DPYD: variants seen among roughly 807,000 people sequenced by gnomAD.
The protein encoded by DPYD is dihydropyrimidine dehydrogenase [NADP(+)].
In DPYD, 109 loss-of-function variants were observed where a neutral mutation model predicts 116.2. That is an observed-to-expected ratio of 0.94 (90% CI 0.80 to 1.10). DPYD has a LOEUF of 1.10. DPYD is among the 50% of genes least tolerant of loss of function. The pLI is 0.00. For synonymous variants in DPYD, 440 were observed against 432.0 expected (o/e 1.02, Z -0.23); for missense variants, 1,302 against 1,254.5 (o/e 1.04, Z -0.57).
chr1:97,573,034 T>C (rs1653006859), intron 11 of DPYD, among the ~76,000 whole-genome samples: 1 of 152,000 alleles, frequency 6.6e-6, no homozygotes, highest in African/African-American at 2.4e-5. Context: ...AAGAGTTAAT[T>C]GTCATTTCAA....
At chr1:97,570,667 A>G (rs1383137477) in intron 11 of DPYD, among the ~76,000 whole-genome samples, 1 of 151,954 alleles carries the variant, frequency 6.6e-6, no homozygotes, top group Non-Finnish European at 1.5e-5. Context: ...CATTTGCAAT[A>G]ATAGTGAATT....
At chr1:97,111,267 G>C (rs946594970) in intron 20 of DPYD, among the ~76,000 whole-genome samples, 5 of 152,026 alleles carry the variant, frequency 3.3e-5, no homozygotes, top group Admixed American at 1.3e-4. Flanking sequence ...TAGAAACTAT[G>C]ACAGATGATT....
At chr1:97,701,339 T>C (rs1281089374) in intron 5 of DPYD, among the ~76,000 whole-genome samples, 1 of 151,342 alleles carries the variant, frequency 6.6e-6, no homozygotes, top group Admixed American at 6.6e-5. Context: ...ATTTTAAATA[T>C]ATAAAGCAAA....
chr1:97,590,806 C>A (rs1337992584), intron 10 of DPYD, among the ~76,000 whole-genome samples: 1 of 152,192 alleles, frequency 6.6e-6, no homozygotes, highest in Non-Finnish European at 1.5e-5. Context: ...ATAGCTCACT[C>A]TTTTACTTAG....
chr1:97,426,790 G>C (rs1003619163), intron 14 of DPYD, among the ~76,000 whole-genome samples: 2 of 152,076 alleles, frequency 1.3e-5, no homozygotes, highest in Admixed American at 6.6e-5. Flanking sequence ...GATGTTAAGA[G>C]GATATGTTTC....
chr1:97,090,102 A>G (rs1649800493), intron 21 of DPYD, among the ~76,000 whole-genome samples: 1 of 152,196 alleles, frequency 6.6e-6, no homozygotes, highest in African/African-American at 2.4e-5. Flanking sequence ...TTAACAAAAG[A>G]ATGAGTTTAC....
chr1:97,374,718 G>GGAAA (rs1671505203), intron 15 of DPYD, among the ~76,000 whole-genome samples: 1 of 52,610 alleles, frequency 1.9e-5, no homozygotes, highest in African/African-American at 1.0e-4. Flanking sequence ...CTCCGTCTCA[G>GGAAA]AAAAAAAAAA....
chr1:97,341,270 C>T (rs1341540557), intron 16 of DPYD, among the ~76,000 whole-genome samples: 1 of 151,990 alleles, frequency 6.6e-6, no homozygotes, highest in Non-Finnish European at 1.5e-5. Flanking sequence ...TCTCTCACTA[C>T]ATATACATGC....
chr1:97,812,868 G>A (rs1195962669), intron 3 of DPYD, among the ~76,000 whole-genome samples: 1 of 152,078 alleles, frequency 6.6e-6, no homozygotes, highest in Non-Finnish European at 1.5e-5. Flanking sequence ...ATGGAAATAT[G>A]TGTGACAAAA....
chr1:97,526,023 A>C (rs1649063404), intron 12 of DPYD, among the ~76,000 whole-genome samples: 1 of 122,264 alleles, frequency 8.2e-6, no homozygotes, highest in South Asian at 2.8e-4. Context: ...GTGTTTCTAT[A>C]ATTCAGTCAC....
intron 12 of DPYD, among the ~76,000 whole-genome samples, chr1:97,529,767 TTTC>T (rs916481039): frequency 1.0e-4 from 10 of 100,334 alleles, no homozygotes; most frequent in East Asian, 3.2e-4. Flanking sequence ...TTTCTTTCTC[TTTC>T]TTCTTTCTTT....
At chr1:97,580,739 G>A (rs1653593247) in intron 10 of DPYD, among the ~76,000 whole-genome samples, 1 of 151,898 alleles carries the variant, frequency 6.6e-6, no homozygotes, top group African/African-American at 2.4e-5. Flanking sequence ...ATCTCATCAG[G>A]TACCTCATCC....
intron 14 of DPYD, among the ~76,000 whole-genome samples, chr1:97,396,685 T>C (rs1200199011): frequency 6.6e-6 from 1 of 152,052 alleles, no homozygotes; most frequent in Non-Finnish European, 1.5e-5. Context: ...TGCTGCTCCT[T>C]ATCTTGACAT....
At chr1:97,773,720 T>C (rs1464470011) in intron 3 of DPYD, among the ~76,000 whole-genome samples, 1 of 152,098 alleles carries the variant, frequency 6.6e-6, no homozygotes, top group Non-Finnish European at 1.5e-5. Flanking sequence ...TGGCTGAGGG[T>C]GGTTGGAGAA....
intron 18 of DPYD, among the ~76,000 whole-genome samples, chr1:97,258,390 G>A (rs370073054): frequency 6.6e-6 from 1 of 152,160 alleles, no homozygotes; most frequent in South Asian, 2.1e-4. Flanking sequence ...AATACTTTCA[G>A]GGACAGCCCT....
chr1:97,214,569 G>A (rs1388792465), intron 19 of DPYD, among the ~76,000 whole-genome samples: 2 of 152,216 alleles, frequency 1.3e-5, no homozygotes, highest in Non-Finnish European at 2.9e-5. Flanking sequence ...AAACCACAGG[G>A]TGTTGAAGAA....
In DPYD at chr1:97,373,857, C is replaced by G. The variant is rs6699630; in HGVS notation, c.1975-213G>C. On this transcript the variant is annotated intron_variant, in intron 15 of 22. Transcript: ENST00000370192. ...AACAATCACACACCAAATATTTACT[C>G]AGTGCTCATAAGGGGCCACTCACTG... Among the ~76,000 whole-genome samples, 76,746 of 151,902 alleles carry G rather than the reference C, an allele frequency of 0.51. 19,606 individuals are homozygous for G. Among genetic ancestry groups the G allele is most frequent in the South Asian group, 0.68 (3,270 of 4,806 alleles).
intron 19 of DPYD, among the ~76,000 whole-genome samples, chr1:97,222,901 C>T (rs1043649848): frequency 6.6e-6 from 1 of 152,030 alleles, no homozygotes; most frequent in Admixed American, 6.6e-5. Context: ...ATTTGTTACC[C>T]TCTGGCCTGA....
intron 8 of DPYD, among the ~76,000 whole-genome samples, chr1:97,612,813 C>A (rs1302343844): frequency 6.6e-6 from 1 of 151,942 alleles, no homozygotes; most frequent in Non-Finnish European, 1.5e-5. Context: ...GCCCCCAGTG[C>A]TGAGCAAGAG....
Sources: gnomAD v4.1 joint callset for allele counts (sites outside exome capture counted in the v4.1 genomes callset) on GRCh38, gnomAD v4.1.1 for gene constraint, MANE v1.5 for transcripts, NCBI Gene and HGNC (gene_info 2026-07-23, HGNC 2026-07-21) for gene names.